NPBWR2: variants seen among roughly 807,000 people sequenced by gnomAD.
NPBWR2 encodes neuropeptides B and W receptor 2, also known as neuropeptides B/W receptor type 2.
For missense variants in NPBWR2, 390 were observed against 458.2 expected (o/e 0.85, Z 1.36); for synonymous variants, 207 against 223.5 (o/e 0.93, Z 0.66).
At position 64,105,614 on chromosome 20, in the gene NPBWR2, G is replaced by C. The variant is rs1156940089; in HGVS notation, c.*216C>G. Among the ~76,000 whole-genome samples, 1 of 3,472 alleles carries C rather than the reference G, an allele frequency of 2.9e-4. No individual in the cohort carries two copies. The highest frequency in any genetic ancestry group is 9.8e-3 in the South Asian group (1 of 102). 2.3% of individuals were successfully genotyped at this position (3,472 alleles called of 152,430 possible). A position where few individuals can be genotyped will look rare whatever the true frequency, so the allele number is the denominator to read the frequency against. ...GGGTGATGGTGGGCGTGATGGTGGG[G>C]GTGGGGGTGATGGGGGTGGGCGTGA... On this transcript the variant is annotated 3_prime_UTR_variant, in exon 2 of 2. Coordinates refer to ENST00000684052, the MANE Select transcript of NPBWR2 (RefSeq NM_005286.4).
rs1226941752 is a variant in NPBWR2, at chr20:64,105,129, C to A, written c.*701G>T. Reference sequence around the variant, plus strand: ...TGCTGCCTGAGGTGCCCGCACTTACCACCCCCCGGCCCCATCTTGGGGAGA... The same window carrying A: ...TGCTGCCTGAGGTGCCCGCACTTACAACCCCCCGGCCCCATCTTGGGGAGA... On this transcript the variant is annotated 3_prime_UTR_variant, in exon 2 of 2. Coordinates refer to ENST00000684052, the MANE Select transcript of NPBWR2 (RefSeq NM_005286.4). Among the ~76,000 whole-genome samples the A allele has an allele frequency of 6.6e-6, 1 of 152,126 alleles. No individual in the cohort carries two copies. The highest frequency in any genetic ancestry group is 2.4e-5 in the African/African-American group (1 of 41,422).
rs377424454 is a variant in NPBWR2, at chr20:64,104,865, GCAGGGGGGCA to G, written c.*955_*964del. On this transcript the variant is annotated 3_prime_UTR_variant, in exon 2 of 2. Coordinates refer to ENST00000684052, the MANE Select transcript of NPBWR2 (RefSeq NM_005286.4). ...GCCATGGAGAGGACCGTCGGACACA[GCAGGGGGGCA>G]CAGGGGAGCACAGGCCATGGAGAGG... Among the ~76,000 whole-genome samples the G allele has an allele frequency of 4.6e-4, 56 of 121,224 alleles. 1 individual carries two copies. Among genetic ancestry groups the G allele is most frequent in the Non-Finnish European group, 6.3e-4 (32 of 50,506 alleles). 79.5% of individuals were successfully genotyped at this position (121,224 alleles called of 152,430 possible).
chr20:64,106,977 G>T lies in NPBWR2; in HGVS notation c.-91-55C>A. 1.0e-6 allele frequency: 1 copy of T among 974,746 alleles called. No homozygotes were observed. The highest frequency in any genetic ancestry group is 1.5e-6 in the Non-Finnish European group (1 of 663,012). The allele number at this position is 974,746 out of a possible 1,614,324, so 60.4% of individuals were successfully genotyped here. On this transcript the variant is annotated intron_variant, in intron 1 of 1. Coordinates refer to ENST00000684052, the MANE Select transcript of NPBWR2 (RefSeq NM_005286.4). The surrounding 1 kb of genome is among the most constrained non-coding windows in gnomAD (Gnocchi z 9.5). ...AGATCCGGCCGTCTGTTAGGGCACA[G>T]CCACTCCAGGTTCTCTGGCAGAGAC...
chr20:64,107,324 T>G lies in NPBWR2; in HGVS notation c.-92+40A>C, dbSNP rs988098697. ...TCCCTCACACCCTCCCGAGAGATGC[T>G]GCAGACCCTGCTGGTCCAGCTACTC... On this transcript the variant is annotated intron_variant, in intron 1 of 1. Transcript: ENST00000684052. This position sits in a 1 kb window ranked among gnomAD's most constrained non-coding sequence, Gnocchi z 6.3. 2.6e-5 allele frequency among the ~76,000 whole-genome samples: 4 copies of G among 152,236 alleles called. No individual in the cohort carries two copies. Among genetic ancestry groups the G allele is most frequent in the African/African-American group, 9.6e-5 (4 of 41,462 alleles).
rs370207328 is a variant in NPBWR2, at chr20:64,106,122, C to T, written c.710G>A (p.Arg237His). ...TICVLYTDLLRRLRAVRLRSG... is the reference protein window; with the variant it reads ...TICVLYTDLLHRLRAVRLRSG... ...GCGGAGCCGCACGGCCCGCAGCCTG[C>T]GCAGGAGGTCTGTGTAGAGCACACA... The change falls in exon 2 of 2, where the codon CGC (arginine) becomes CAC (histidine). Residue 237 changes from arginine to histidine, a missense_variant. Physicochemically the swap from Arg to His is conservative, Grantham distance 29. Transcript: ENST00000684052. The surrounding 1 kb of genome is among the most constrained non-coding windows in gnomAD (Gnocchi z 9.5). 2.3e-5 allele frequency: 37 copies of T among 1,611,942 alleles called. No homozygotes were observed. The highest frequency in any genetic ancestry group is 8.9e-5 in the East Asian group (4 of 44,868).
In NPBWR2 at chr20:64,107,069, C is replaced by T. The variant is rs548306300; in HGVS notation, c.-91-147G>A. On this transcript the variant is annotated intron_variant, in intron 1 of 1. Coordinates refer to ENST00000684052, the MANE Select transcript of NPBWR2 (RefSeq NM_005286.4). The surrounding 1 kb of genome is among the most constrained non-coding windows in gnomAD (Gnocchi z 6.3). ...GCCTGGTGGGGTGTGTGGGGGCCTC[C>T]TCCCGCCTCTTCCTGGTGAGACTTC... The T allele has an allele frequency of 6.1e-5, 37 of 605,998 alleles. No homozygotes were observed. Among genetic ancestry groups the T allele is most frequent in the Middle Eastern group, 4.5e-4 (1 of 2,226 alleles). The allele number at this position is 605,998 out of a possible 1,614,324, so 37.5% of individuals were successfully genotyped here. A position where few individuals can be genotyped will look rare whatever the true frequency, so the allele number is the denominator to read the frequency against.
In NPBWR2 at chr20:64,106,558, C is replaced by T. The variant is rs768724424; in HGVS notation, c.274G>A (p.Gly92Arg). ...VFILNLAVADGLFTLVLPVNI... is the reference protein window; with the variant it reads ...VFILNLAVADRLFTLVLPVNI... ...ACGGGCAGTACCAGCGTGAAGAGCC[C>T]GTCGGCGACGGCCAGGTTCAGGATG... Residue 92 changes from glycine (G) to arginine (R), a missense_variant, in exon 2 of 2, where the codon GGG (glycine) becomes AGG (arginine). Coordinates refer to ENST00000684052, the MANE Select transcript of NPBWR2 (RefSeq NM_005286.4). This position sits in a 1 kb window ranked among gnomAD's most constrained non-coding sequence, Gnocchi z 9.5. 1.4e-5 allele frequency: 22 copies of T among 1,611,730 alleles called. No individual in the cohort carries two copies. Among genetic ancestry groups the T allele is most frequent in the Middle Eastern group, 3.3e-4 (2 of 6,084 alleles).
Position 64,106,574 on chromosome 20 carries a change from G to A in NPBWR2, c.258C>T (p.Asn86=), listed in dbSNP as rs759679948. 8 of 1,611,840 alleles carry A rather than the reference G, an allele frequency of 5.0e-6. No individual in the cohort carries two copies. Among genetic ancestry groups the A allele is most frequent in the South Asian group, 3.3e-5 (3 of 91,074 alleles). Residue 86 remains asparagine (N), a synonymous_variant, in exon 2 of 2, where the codon AAC becomes AAT. Coordinates refer to ENST00000684052, the MANE Select transcript of NPBWR2 (RefSeq NM_005286.4). This position sits in a 1 kb window ranked among gnomAD's most constrained non-coding sequence, Gnocchi z 9.5. The part of the protein sequence containing the change: ...MKTVTNVFIL[N]LAVADGLFTL... ...TGAAGAGCCCGTCGGCGACGGCCAGGTTCAGGATGAACACGTTGGTCACCG... is the reference window on the plus strand; with the variant it reads ...TGAAGAGCCCGTCGGCGACGGCCAGATTCAGGATGAACACGTTGGTCACCG...
In NPBWR2 at chr20:64,105,844, T is replaced by C. The variant is rs1312550109; in HGVS notation, c.988A>G (p.Ile330Val). The C allele has an allele frequency of 6.7e-7, 1 of 1,491,786 alleles. No homozygotes were observed. The highest frequency in any genetic ancestry group is 1.2e-5 in the South Asian group (1 of 82,028). The allele number at this position is 1,491,786 out of a possible 1,614,324, so 92.4% of individuals were successfully genotyped here. Reference sequence around the variant, plus strand: ...GCCCAGGCCCTTCAGCACCGCAATATGCTGCGGAAGTTCTTCCGGAAGTTG... The same window carrying C: ...GCCCAGGCCCTTCAGCACCGCAATACGCTGCGGAAGTTCTTCCGGAAGTTG... ...DDNFRKNFRS[I>V]LRC The change falls in exon 2 of 2, where the codon ATA becomes GTA. Residue 330 changes from isoleucine (I) to valine (V), a missense_variant. By Grantham distance (29) the Ile-to-Val change is conservative (BLOSUM62 3). Coordinates refer to ENST00000684052, the MANE Select transcript of NPBWR2 (RefSeq NM_005286.4).
rs1247879844 is a variant in NPBWR2, at chr20:64,106,662, G to C, written c.170C>G (p.Ala57Gly). ...GGCCGTGTTGCCAGTCAGCCCCACA[G>C]CACAGATCCCGGAGTACACGGCGGG... Reference protein sequence around the residue: ...LLPAVYSGICAVGLTGNTAVI... With the variant: ...LLPAVYSGICGVGLTGNTAVI... Residue 57 changes from alanine to glycine, a missense_variant, in exon 2 of 2, where the codon GCT becomes GGT. Coordinates refer to ENST00000684052, the MANE Select transcript of NPBWR2 (RefSeq NM_005286.4). The surrounding 1 kb of genome is among the most constrained non-coding windows in gnomAD (Gnocchi z 9.5). 1 of 1,612,696 alleles carries C rather than the reference G, an allele frequency of 6.2e-7. No individual in the cohort carries two copies. Among genetic ancestry groups the C allele is most frequent in the Non-Finnish European group, 8.5e-7 (1 of 1,180,034 alleles).
chr20:64,103,950 G>A lies in NPBWR2; in HGVS notation c.*1880C>T, dbSNP rs1461706876. Among the ~76,000 whole-genome samples the A allele has an allele frequency of 6.6e-6, 1 of 152,256 alleles. No homozygotes were observed. Among genetic ancestry groups the A allele is most frequent in the South Asian group, 2.1e-4 (1 of 4,834 alleles). On this transcript the variant is annotated 3_prime_UTR_variant, in exon 2 of 2. Transcript: ENST00000684052. ...AGGCCTGAGCCGAGTGGGCTGGAACGCTGGAGTATTTGGTGGATGGGTGGA... is the reference window on the plus strand; with the variant it reads ...AGGCCTGAGCCGAGTGGGCTGGAACACTGGAGTATTTGGTGGATGGGTGGA...
At position 64,106,581 on chromosome 20, in the gene NPBWR2, A is replaced by G. The variant is rs1410187967; in HGVS notation, c.251T>C (p.Ile84Thr). The part of the protein sequence containing the change: ...PKMKTVTNVF[I>T]LNLAVADGLF... ...CCCGTCGGCGACGGCCAGGTTCAGGATGAACACGTTGGTCACCGTCTTCAT... is the reference window on the plus strand; with the variant it reads ...CCCGTCGGCGACGGCCAGGTTCAGGGTGAACACGTTGGTCACCGTCTTCAT... The change falls in exon 2 of 2, where the codon ATC (isoleucine) becomes ACC (threonine). Residue 84 changes from isoleucine to threonine, a missense_variant. By Grantham distance (89) the Ile-to-Thr change is moderately conservative. Coordinates refer to ENST00000684052, the MANE Select transcript of NPBWR2 (RefSeq NM_005286.4). The surrounding 1 kb of genome is among the most constrained non-coding windows in gnomAD (Gnocchi z 9.5). 1.2e-6 allele frequency: 2 copies of G among 1,611,842 alleles called. No individual in the cohort carries two copies. Among genetic ancestry groups the G allele is most frequent in the East Asian group, 2.2e-5 (1 of 44,870 alleles).
rs1979933274 is a variant in NPBWR2, at chr20:64,105,497, C to T, written c.*333G>A. 1.4e-5 allele frequency among the ~76,000 whole-genome samples: 1 copy of T among 69,280 alleles called. No individual in the cohort carries two copies. Among genetic ancestry groups the T allele is most frequent in the Admixed American group, 1.8e-4 (1 of 5,708 alleles). The allele number at this position is 69,280 out of a possible 152,430, so 45.5% of individuals were successfully genotyped here. ...GCCGGGCGTCCCCTGAAAGAGACAGCCGGAACTGGGTGGGGGTGGGCGTGA... is the reference window on the plus strand; with the variant it reads ...GCCGGGCGTCCCCTGAAAGAGACAGTCGGAACTGGGTGGGGGTGGGCGTGA... On this transcript the variant is annotated 3_prime_UTR_variant, in exon 2 of 2. Coordinates refer to ENST00000684052, the MANE Select transcript of NPBWR2 (RefSeq NM_005286.4).
chr20:64,105,273 T>C lies in NPBWR2; in HGVS notation c.*557A>G, dbSNP rs1382573355. ...AGGGGCTTGTCCATCTGTCTGTCTCTCGTGGGTAAGTGGGCCCGGGATGCT... is the reference window on the plus strand; with the variant it reads ...AGGGGCTTGTCCATCTGTCTGTCTCCCGTGGGTAAGTGGGCCCGGGATGCT... On this transcript the variant is annotated 3_prime_UTR_variant, in exon 2 of 2. Coordinates refer to ENST00000684052, the MANE Select transcript of NPBWR2 (RefSeq NM_005286.4). Among the ~76,000 whole-genome samples the C allele has an allele frequency of 6.6e-6, 1 of 151,524 alleles. No individual in the cohort carries two copies. Among genetic ancestry groups the C allele is most frequent in the South Asian group, 2.1e-4 (1 of 4,772 alleles).
rs1980093948 is a variant in NPBWR2 at position 64,107,474 on chromosome 20, T to G, written c.-202A>C. On this transcript the variant is annotated 5_prime_UTR_variant, in exon 1 of 2. Transcript: ENST00000684052. The surrounding 1 kb of genome is among the most constrained non-coding windows in gnomAD (Gnocchi z 6.3). Reference sequence around the variant, plus strand: ...GAGGTGTGGTCCTCACTGACAGACCTCCAGCTGAGGTTTCAGGAGTTTCAA... The same window carrying G: ...GAGGTGTGGTCCTCACTGACAGACCGCCAGCTGAGGTTTCAGGAGTTTCAA... 6.6e-6 allele frequency among the ~76,000 whole-genome samples: 1 copy of G among 152,204 alleles called. No homozygotes were observed. The highest frequency in any genetic ancestry group is 1.5e-5 in the Non-Finnish European group (1 of 68,030).
Position 64,106,876 on chromosome 20 carries a change from G to A in NPBWR2, c.-45C>T, listed in dbSNP as rs1226270448. ...GATTTGCGCCCTGGGCAGGTGGGAG[G>A]TGCCTTGGAGTTGGGTATCTGGTTG... is the stretch of plus-strand genomic sequence containing the variant. On this transcript the variant is annotated 5_prime_UTR_variant, in exon 2 of 2. Coordinates refer to ENST00000684052, the MANE Select transcript of NPBWR2 (RefSeq NM_005286.4). This position sits in a 1 kb window ranked among gnomAD's most constrained non-coding sequence, Gnocchi z 9.5. 6.3e-7 allele frequency: 1 copy of A among 1,579,414 alleles called. No individual in the cohort carries two copies. The highest frequency in any genetic ancestry group is 1.1e-5 in the South Asian group (1 of 88,052).
rs891927167 is a variant in NPBWR2, at chr20:64,106,704, A to G, written c.128T>C (p.Phe43Ser). Residue 43 changes from phenylalanine (F) to serine (S), a missense_variant, in exon 2 of 2, where the codon TTC becomes TCC. Phe to Ser is a radical substitution (Grantham distance 155). Transcript: ENST00000684052. The surrounding 1 kb of genome is among the most constrained non-coding windows in gnomAD (Gnocchi z 9.5). ...HNATFSEPLP[F>S]LYVLLPAVYS... ...CACGGCGGGCAGGAGCACATAGAGG[A>G]ACGGCAGTGGCTCGGAGAAGGTGGC... 2.5e-6 allele frequency: 4 copies of G among 1,612,728 alleles called. No homozygotes were observed. The highest frequency in any genetic ancestry group is 1.3e-5 in the African/African-American group (1 of 74,888).
At position 64,106,436 on chromosome 20, in the gene NPBWR2, G is replaced by C. The variant is rs1487775022; in HGVS notation, c.396C>G (p.Ile132Met). Residue 132 changes from isoleucine to methionine, a missense_variant, in exon 2 of 2, where the codon ATC (isoleucine) becomes ATG (methionine). Transcript: ENST00000684052. The surrounding 1 kb of genome is among the most constrained non-coding windows in gnomAD (Gnocchi z 9.5). The stretch of plus-strand genomic sequence containing the variant: ...CCACGCTCATCACGGCTAGGAAGTA[G>C]ATGCTGGAGAAGATGTTGTAGTGGT... The part of the protein sequence containing the change: ...AVDHYNIFSS[I>M]YFLAVMSVDR... 2.5e-6 allele frequency: 4 copies of C among 1,612,802 alleles called. No individual in the cohort carries two copies. The South Asian group carries it at 4.4e-5, about 18-fold the overall frequency.
Position 64,104,232 on chromosome 20 carries a change from C to T in NPBWR2, c.*1598G>A, listed in dbSNP as rs1278904292. Among the ~76,000 whole-genome samples the T allele has an allele frequency of 6.6e-6, 1 of 152,168 alleles. No homozygotes were observed. Among genetic ancestry groups the T allele is most frequent in the Non-Finnish European group, 1.5e-5 (1 of 68,026 alleles). On this transcript the variant is annotated 3_prime_UTR_variant, in exon 2 of 2. Coordinates refer to ENST00000684052, the MANE Select transcript of NPBWR2 (RefSeq NM_005286.4). ...CAGTCAGCGGTCTCTGAACTGCCTG[C>T]ATTTCATTACCACCCCTCACCCTGC...
Sources: allele counts gnomAD v4.1 joint callset (sites outside exome capture counted in the v4.1 genomes callset), GRCh38; gene constraint gnomAD v4.1.1; non-coding constraint Gnocchi (gnomAD v3.1); transcripts MANE v1.5; gene names NCBI Gene and HGNC (gene_info 2026-07-23, HGNC 2026-07-21).